Variants in XPOT observed in about 807,000 individuals in gnomAD.
XPOT encodes the protein exportin for tRNA.
Under a neutral mutation model 128.2 loss-of-function variants are expected in XPOT, and 34 were observed. The ratio of observed to expected loss-of-function variants is 0.27; its 90% CI spans 0.20 to 0.35. The LOEUF is 0.35. Ranked by LOEUF, XPOT falls within the 10% of genes least tolerant of loss-of-function variation. The pLI, the probability that XPOT is intolerant of heterozygous loss-of-function variation, is 1.00. For synonymous variants in XPOT, 348 were observed against 394.3 expected (o/e 0.88, Z 1.39); for missense variants, 838 against 1,125.3 (o/e 0.74, Z 3.65).
intron 9 of XPOT, 50 bp from the exon 10 acceptor site, chr12:64,422,955 G>T: frequency 1.3e-6 from 2 of 1,491,332 alleles, no homozygotes; most frequent in Non-Finnish European, 1.8e-6. Flanking sequence ...GTTCTGATAT[G>T]CAGGTATAAC....
At chr12:64,416,907 A>G (rs1301724664) in intron 4 of XPOT, among the ~76,000 whole-genome samples, 153 bp downstream of exon 4, 5 of 152,180 alleles carry the variant, frequency 3.3e-5, no homozygotes. Flanking sequence ...GATGTACCCC[A>G]AAGTGTTTTA....
At position 64,410,426 on chromosome 12, in the gene XPOT, T is replaced by C. The variant is rs201421638; in HGVS notation, c.60+331T>C. On this transcript the variant is annotated intron_variant, in intron 2 of 24. Coordinates refer to ENST00000332707, the MANE Select transcript of XPOT (RefSeq NM_007235.6). ...TAGCAGCAGACATGTGTATTTTATT[T>C]TCTCTTTCCTTGGCTTGATCTATAC... 2.6e-5 allele frequency among the ~76,000 whole-genome samples: 4 copies of C among 152,350 alleles called. 1 individual carries two copies. In the East Asian group the frequency reaches 7.7e-4, roughly 29 times the overall value.
chr12:64,412,851 T>C (rs745851287), intron 2 of XPOT, among the ~76,000 whole-genome samples: 4 of 152,160 alleles, frequency 2.6e-5, no homozygotes, highest in Non-Finnish European at 4.4e-5. Context: ...AACAGTTGAC[T>C]TTCTTGTGCT....
At chr12:64,439,120 C>G in intron 22 of XPOT, 124 bp from the exon 23 acceptor site, 3 of 836,406 alleles carry the variant, frequency 3.6e-6, no homozygotes, top group Non-Finnish European at 5.7e-6. Flanking sequence ...CAGTCTGGCT[C>G]TCGGGTCTGT....
intron 22 of XPOT, among the ~76,000 whole-genome samples, chr12:64,437,027 C>T (rs995780282): frequency 3.9e-5 from 6 of 152,160 alleles, no homozygotes; most frequent in African/African-American, 1.2e-4. Context: ...AGCTAAAGAG[C>T]AGTAGTTGCC....
At chr12:64,424,571 T>C in intron 11 of XPOT, 28 bp from the exon 12 acceptor site, 1 of 1,609,656 alleles carries the variant, frequency 6.2e-7, no homozygotes, top group Non-Finnish European at 8.5e-7. Flanking sequence ...ATAAGTTTTT[T>C]GAATGAGGAT....
At chr12:64,444,013 A>G (rs577265932) in intron 23 of XPOT, among the ~76,000 whole-genome samples, 31 of 152,228 alleles carry the variant, frequency 2.0e-4, no homozygotes, top group Non-Finnish European at 3.7e-4. Flanking sequence ...CATTCAGTTT[A>G]CAGCTAATCT....
chr12:64,442,082 G>A (rs548814202), intron 23 of XPOT, among the ~76,000 whole-genome samples: 1 of 151,936 alleles, frequency 6.6e-6, no homozygotes, highest in South Asian at 2.1e-4. Context: ...TGTAAAGTGG[G>A]GGGGGGACCC....
At chr12:64,414,775 A>G in intron 2 of XPOT, 132 bp from the exon 3 acceptor site, 1 of 577,846 alleles carries the variant, frequency 1.7e-6, no homozygotes, top group East Asian at 2.7e-5. Context: ...CCTGCATTTA[A>G]TGTTTTAACT....
intron 24 of XPOT, 67 bp downstream of exon 24, chr12:64,445,198 C>A: frequency 1.7e-6 from 2 of 1,204,778 alleles, no homozygotes; most frequent in Non-Finnish European, 2.4e-6. Context: ...AGAGAGAATA[C>A]ATACCTGCAA....
At chr12:64,427,968 T>G (rs753202308) in intron 15 of XPOT, 83 bp from the exon 16 acceptor site, 11 of 923,058 alleles carry the variant, frequency 1.2e-5, no homozygotes, top group Non-Finnish European at 1.7e-5. Context: ...TTTTTTTTAG[T>G]TCTGTCTTAA....
chr12:64,430,825 G>A (rs1239158662), intron 17 of XPOT, among the ~76,000 whole-genome samples: 3 of 152,172 alleles, frequency 2.0e-5, no homozygotes, highest in Non-Finnish European at 4.4e-5. Context: ...TCTGAAGATG[G>A]TTTTCTAAAT....
Position 64,419,047 on chromosome 12 carries a change from G to A in XPOT, c.442G>A (p.Ala148Thr), listed in dbSNP as rs773486443. Residue 148 changes from alanine (A) to threonine (T), a missense_variant, in exon 6 of 25, where the codon GCT becomes ACT. By Grantham distance (58) the Ala-to-Thr change is moderately conservative. This residue lies in a region of XPOT where 761 missense variants were observed against 988.3 expected (regional missense o/e 0.77). Transcript: ENST00000332707. ...GVDLYLRILM[A>T]IDSELVDRDV... is the part of the protein sequence containing the mutation. ...AGATCTCTACCTGCGAATCCTCATG[G>A]CTATTGATTCAGAGTTGGTGGATCG... is the stretch of plus-strand genomic sequence containing the variant. 2 of 1,613,674 alleles carry A rather than the reference G, an allele frequency of 1.2e-6. No homozygotes were observed. Among genetic ancestry groups the A allele is most frequent in the Non-Finnish European group, 1.7e-6 (2 of 1,179,930 alleles).
At chr12:64,422,919 A>AG in intron 9 of XPOT, 86 bp from the exon 10 acceptor site, 3 of 1,343,674 alleles carry the variant, frequency 2.2e-6, no homozygotes, top group South Asian at 2.6e-5. Flanking sequence ...AAAAAAAAAA[A>AG]CCAGGTCTTA....
chr12:64,444,788 G>A (rs2040354684), intron 23 of XPOT, among the ~76,000 whole-genome samples: 1 of 152,026 alleles, frequency 6.6e-6, no homozygotes, highest in African/African-American at 2.4e-5. Context: ...AAGGTGATAA[G>A]TTTTAAGTGT....
In XPOT at chr12:64,435,681, C is replaced by T. The variant is rs2040276761; in HGVS notation, c.2733+7C>T. 2 of 1,601,232 alleles carry T rather than the reference C, an allele frequency of 1.2e-6. No individual in the cohort carries two copies. Among genetic ancestry groups the T allele is most frequent in the Admixed American group, 1.7e-5 (1 of 59,096 alleles). ...AACAATTCATCTCAAACGGGTAAGCCTTTTAGTCCATGCCCCTTCATTTTC... is the reference window on the plus strand; with the variant it reads ...AACAATTCATCTCAAACGGGTAAGCTTTTTAGTCCATGCCCCTTCATTTTC... On this transcript the variant is annotated splice_region_variant and intron_variant, in intron 22 of 24. Transcript: ENST00000332707.
chr12:64,410,547 C>A (rs1055455892), intron 2 of XPOT, among the ~76,000 whole-genome samples: 1 of 152,020 alleles, frequency 6.6e-6, no homozygotes, highest in East Asian at 1.9e-4. Context: ...GTCTCGAACT[C>A]CTGAGCTCAA....
intron 2 of XPOT, among the ~76,000 whole-genome samples, chr12:64,413,116 C>T (rs1038580778): frequency 6.6e-6 from 1 of 152,190 alleles, no homozygotes; most frequent in East Asian, 1.9e-4. Context: ...GTTGATCTTT[C>T]TGGTAACCAG....
chr12:64,425,144 G>A lies in XPOT; in HGVS notation c.1414G>A (p.Val472Ile). ...TCATGGTGCTCACTTCTCAGGTGATGTTTCAAAAGCTAGTGCTTTGCAGGA... is the reference window on the plus strand; with the variant it reads ...TCATGGTGCTCACTTCTCAGGTGATATTTCAAAAGCTAGTGCTTTGCAGGA... ...VSHGAHFSGD[V>I]SKASALQDMM... is the part of the protein sequence containing the mutation. The change falls in exon 13 of 25, where the codon GTT becomes ATT. Residue 472 changes from valine (V) to isoleucine (I), a missense_variant. Physicochemically the swap from Val to Ile is conservative, Grantham distance 29. Around this residue, in one of 3 missense-constraint regions of XPOT, gnomAD observed 761 missense variants for 988.3 expected, o/e 0.77. Coordinates refer to ENST00000332707, the MANE Select transcript of XPOT (RefSeq NM_007235.6). The A allele has an allele frequency of 6.2e-7, 1 of 1,614,104 alleles. No homozygotes were observed. Among genetic ancestry groups the A allele is most frequent in the East Asian group, 2.2e-5 (1 of 44,874 alleles).
Sources: allele counts gnomAD v4.1 joint callset (sites outside exome capture counted in the v4.1 genomes callset), GRCh38; gene constraint gnomAD v4.1.1; regional missense constraint gnomAD v4.1.1; transcripts MANE v1.5; gene names NCBI Gene and HGNC (gene_info 2026-07-23, HGNC 2026-07-21).